The following ZNF836 variants were observed in gnomAD, a reference collection of about 807,000 sequenced individuals.
The protein encoded by ZNF836 is zinc finger protein 836.
A neutral mutation model predicts 7.4 loss-of-function variants in ZNF836; 12 were observed. That is an observed-to-expected ratio of 1.61 (90% CI 1.03 to 2.61). The LOEUF is 2.61. ZNF836 is among the 30% of genes most tolerant of loss of function. ZNF836 has a pLI of 0.00. For missense variants in ZNF836, 998 were observed against 1,126.2 expected, an observed-to-expected ratio of 0.89 and a Z score of 1.63; for synonymous variants, 365 against 382.6, an observed-to-expected ratio of 0.95 and a Z score of 0.54.
intron 1 of ZNF836, among the ~76,000 whole-genome samples, chr19:52,170,846 C>T (rs1477382872): frequency 6.6e-6 from 1 of 152,182 alleles, no homozygotes; most frequent in Non-Finnish European, 1.5e-5. Context: ...AGGATGCCCA[C>T]CTCCCGGAAA....
rs956822627 is a variant in ZNF836, at chr19:52,168,826, C to G, written c.-80-674G>C. ...TGCTATTTGCAACAACATGGATGAA[C>G]CTGGAAGACATTACGCTAGGTGAAA... On this transcript the variant is annotated intron_variant, in intron 2 of 4. Transcript: ENST00000682614. Among the ~76,000 whole-genome samples the G allele has an allele frequency of 5.3e-5, 8 of 152,096 alleles. No homozygotes were observed. The East Asian group carries it at 1.5e-3, about 29-fold the overall frequency.
Position 52,167,341 on chromosome 19 carries a change from G to A in ZNF836, c.15+717C>T, listed in dbSNP as rs558987641. Among the ~76,000 whole-genome samples the A allele has an allele frequency of 5.9e-4, 89 of 151,338 alleles. 1 individual carries two copies. The highest frequency in any genetic ancestry group is 1.9e-3 in the African/African-American group (80 of 41,214). On this transcript the variant is annotated intron_variant, in intron 3 of 4. Coordinates refer to ENST00000682614, the MANE Select transcript of ZNF836 (RefSeq NM_001102657.3). ...ACAAAAATCAGCCGGGCGTGGTGGC[G>A]CATGCCTGTAATCCCAGCTACTCAG...
Position 52,156,158 on chromosome 19 carries a change from G to A in ZNF836, c.1525C>T (p.Gln509Ter). 2 of 1,614,090 alleles carry A rather than the reference G, an allele frequency of 1.2e-6. No individual in the cohort carries two copies. The highest frequency in any genetic ancestry group is 1.1e-5 in the South Asian group (1 of 91,084). ...TTATGTCGAGTGAGTAATGAGCCCTGTTTAAAGGCTTTACCACATTTATCA... is the reference window on the plus strand; with the variant it reads ...TTATGTCGAGTGAGTAATGAGCCCTATTTAAAGGCTTTACCACATTTATCA... ...KCDKCGKAFK[Q>*]GSLLTRHKII... The change falls in exon 5 of 5, where the codon CAG (glutamine) becomes TAG (stop). Residue 509 changes from glutamine to a stop codon, truncating the protein, a stop_gained. Coordinates refer to ENST00000682614, the MANE Select transcript of ZNF836 (RefSeq NM_001102657.3). LOFTEE classifies it low-confidence loss of function (END_TRUNC).
In ZNF836 at chr19:52,171,404, G is replaced by A. The variant is rs997590355; in HGVS notation, c.-283C>T. ...ATCCCCAGGAAACGGGTATGGACAA[G>A]GGAAGACTGCCAAGTGCACGTTCGA... On this transcript the variant is annotated 5_prime_UTR_variant, in exon 1 of 5. Coordinates refer to ENST00000682614, the MANE Select transcript of ZNF836 (RefSeq NM_001102657.3). 6.6e-6 allele frequency: 1 copy of A among 152,318 alleles called. No individual in the cohort carries two copies. The highest frequency in any genetic ancestry group is 1.5e-5 in the Non-Finnish European group (1 of 68,118). The allele number at this position is 152,318 out of a possible 1,614,324, so 9.4% of individuals were successfully genotyped here.
In ZNF836 at chr19:52,155,829, G is replaced by A. The variant is rs751992295; in HGVS notation, c.1854C>T (p.Val618=). The A allele has an allele frequency of 1.2e-6, 2 of 1,613,986 alleles. No individual in the cohort carries two copies. Among genetic ancestry groups the A allele is most frequent in the East Asian group, 2.2e-5 (1 of 44,882 alleles). Residue 618 remains valine (V), a synonymous_variant, in exon 5 of 5, where the codon GTC becomes GTT. Transcript: ENST00000682614. ...TTGAAAGGTTTCCACTGTCATTGAA[G>A]ACCTTGCCACACACATTACATTTGT... ...KPYKCNVCGK[V]FNDSGNLSNH... is the part of the protein sequence containing the mutation.
At chr19:52,167,027 A>AAGG (rs2089271157) in intron 3 of ZNF836, among the ~76,000 whole-genome samples, 1 of 152,008 alleles carries the variant, frequency 6.6e-6, no homozygotes, top group Admixed American at 6.6e-5. Context: ...TCTAATAACA[A>AAGG]AGGAGTTCTG....
In ZNF836 at chr19:52,168,604, C is replaced by G. The variant is rs557770031; in HGVS notation, c.-80-452G>C. 1.8e-4 allele frequency among the ~76,000 whole-genome samples: 27 copies of G among 151,808 alleles called. No homozygotes were observed. In the East Asian group the frequency reaches 5.0e-3, roughly 28 times the overall value. ...CTCCATCTCAAATAAATAAATCAAT[C>G]AATAAAAATAAAAAAGAAAATGTAT... On this transcript the variant is annotated intron_variant, in intron 2 of 4. Transcript: ENST00000682614.
intron 4 of ZNF836, among the ~76,000 whole-genome samples, chr19:52,159,192 A>T (rs1429412381): frequency 6.6e-6 from 1 of 152,228 alleles, no homozygotes; most frequent in Admixed American, 6.5e-5. Flanking sequence ...TAAAGCTAAT[A>T]TGCCATCTCA....
At chr19:52,162,168 C>T (rs1158087212) in intron 3 of ZNF836, among the ~76,000 whole-genome samples, 1 of 152,206 alleles carries the variant, frequency 6.6e-6, no homozygotes, top group Non-Finnish European at 1.5e-5. Context: ...ACAGTGCCTG[C>T]AGCTCTCCCG....
rs2089210549 is a variant in ZNF836 at position 52,161,291 on chromosome 19, T to C, written c.16-700A>G. ...AGTCTCTCTGTGCTGCTGTACCAAG[T>C]AAAACAGACTGGGTAATTTATGAAC... On this transcript the variant is annotated intron_variant, in intron 3 of 4. Coordinates refer to ENST00000682614, the MANE Select transcript of ZNF836 (RefSeq NM_001102657.3). This position sits in a 1 kb window ranked among gnomAD's most constrained non-coding sequence, Gnocchi z 4.1. Among the ~76,000 whole-genome samples, 3 of 152,208 alleles carry C rather than the reference T, an allele frequency of 2.0e-5. No individual in the cohort carries two copies. The highest frequency in any genetic ancestry group is 2.0e-4 in the Admixed American group (3 of 15,276).
rs2034184299 is a variant in ZNF836 at position 52,161,744 on chromosome 19, C to T, written c.16-1153G>A. On this transcript the variant is annotated intron_variant, in intron 3 of 4. Coordinates refer to ENST00000682614, the MANE Select transcript of ZNF836 (RefSeq NM_001102657.3). The surrounding 1 kb of genome is among the most constrained non-coding windows in gnomAD (Gnocchi z 4.1). ...AACAAAATACATTCTATCCTAATGG[C>T]TCCCAAAGCTTTATTTCTACAACCA... is the stretch of plus-strand genomic sequence containing the variant. Among the ~76,000 whole-genome samples, 1 of 152,024 alleles carries T rather than the reference C, an allele frequency of 6.6e-6. No individual in the cohort carries two copies. The highest frequency in any genetic ancestry group is 2.1e-4 in the South Asian group (1 of 4,820).
chr19:52,166,395 G>T (rs2089264051), intron 3 of ZNF836, among the ~76,000 whole-genome samples: 1 of 151,852 alleles, frequency 6.6e-6, no homozygotes, highest in South Asian at 2.1e-4. Flanking sequence ...TATATATAAG[G>T]TATACAACAT....
At chr19:52,158,967 T>C (rs927500609) in intron 4 of ZNF836, among the ~76,000 whole-genome samples, 5 of 152,136 alleles carry the variant, frequency 3.3e-5, no homozygotes, top group South Asian at 4.2e-4. Context: ...TTTGAGTAGA[T>C]GTGAAAAAGC....
chr19:52,154,652 C>G lies in ZNF836; in HGVS notation c.*220G>C. On this transcript the variant is annotated 3_prime_UTR_variant, in exon 5 of 5. Coordinates refer to ENST00000682614, the MANE Select transcript of ZNF836 (RefSeq NM_001102657.3). Reference sequence around the variant, plus strand: ...TCCAGCCTGGCGACAGAGAGAGACTCCGTCTCAAAAAAGCAAAACAAACAA... The same window carrying G: ...TCCAGCCTGGCGACAGAGAGAGACTGCGTCTCAAAAAAGCAAAACAAACAA... 2.6e-6 allele frequency: 1 copy of G among 389,592 alleles called. No homozygotes were observed. The highest frequency in any genetic ancestry group is 4.5e-6 in the Non-Finnish European group (1 of 219,890). 24.1% of individuals were successfully genotyped at this position (389,592 alleles called of 1,614,324 possible).
chr19:52,170,569 C>T (rs976691370), intron 1 of ZNF836, among the ~76,000 whole-genome samples: 3 of 152,066 alleles, frequency 2.0e-5, no homozygotes, highest in Admixed American at 1.3e-4. Context: ...TGCCGCCCCA[C>T]TCTATTTTGC....
chr19:52,168,179 T>G, intron 2 of ZNF836, 27 bp from the exon 3 acceptor site: 1 of 1,452,686 alleles, frequency 6.9e-7, no homozygotes, highest in Non-Finnish European at 9.4e-7. Context: ...TGTTGTTTAA[T>G]GCTTGGAAAC....
At chr19:52,169,472 G>A (rs536899677) in intron 2 of ZNF836, among the ~76,000 whole-genome samples, 176 bp downstream of exon 2, 4 of 152,194 alleles carry the variant, frequency 2.6e-5, no homozygotes, top group Admixed American at 6.5e-5. Context: ...CCAGGTACTC[G>A]TGAGGCTGAG....
intron 4 of ZNF836, among the ~76,000 whole-genome samples, chr19:52,159,326 A>G (rs1406729908): frequency 6.6e-6 from 1 of 152,252 alleles, no homozygotes; most frequent in African/African-American, 2.4e-5. Flanking sequence ...ATCTTAAGAT[A>G]AATTATCACT....
rs372097463 is a variant in ZNF836, at chr19:52,155,954, T to C, written c.1729A>G (p.Thr577Ala). 6 of 1,613,898 alleles carry C rather than the reference T, an allele frequency of 3.7e-6. No homozygotes were observed. The highest frequency in any genetic ancestry group is 5.1e-6 in the Non-Finnish European group (6 of 1,179,900). The change falls in exon 5 of 5, where the codon ACG (threonine) becomes GCG (alanine). Residue 577 changes from threonine (T) to alanine (A), a missense_variant. Physicochemically the swap from Thr to Ala is moderately conservative, Grantham distance 58. Transcript: ENST00000682614. ...GNLSIHKRIH[T>A]GEKPFQCNEC... ...TTACATTGGAAAGGTTTCTCTCCCG[T>C]ATGTATTCTCTTATGAATTGAAAGG...
Sources: allele counts gnomAD v4.1 joint callset (sites outside exome capture counted in the v4.1 genomes callset), GRCh38; gene constraint gnomAD v4.1.1; non-coding constraint Gnocchi (gnomAD v3.1); transcripts MANE v1.5; gene names NCBI Gene and HGNC (gene_info 2026-07-23, HGNC 2026-07-21).